CDH4: variants seen among roughly 807,000 people sequenced by gnomAD.
CDH4 encodes the protein cadherin-4.
A neutral mutation model predicts 86.0 loss-of-function variants in CDH4; 33 were observed. That is an observed-to-expected ratio of 0.38 (90% confidence interval 0.29 to 0.51). The LOEUF is 0.51. Ranked by LOEUF, CDH4 falls within the 20% of genes least tolerant of loss-of-function variation. CDH4 has a pLI of 0.86. For missense variants in CDH4, 1,114 were observed against 1,307.4 expected (o/e 0.85, Z 2.28); for synonymous variants, 555 against 549.4 (o/e 1.01, Z -0.14).
intron 4 of CDH4, among the ~76,000 whole-genome samples, chr20:61,801,816 A>C (rs1235248394): frequency 6.6e-6 from 1 of 152,186 alleles, no homozygotes; most frequent in African/African-American, 2.4e-5. Context: ...CCTGCCCTCC[A>C]TAAGGACCCT....
intron 2 of CDH4, among the ~76,000 whole-genome samples, chr20:61,578,641 A>G (rs2086402540): frequency 6.6e-6 from 1 of 152,100 alleles, no homozygotes. Flanking sequence ...GATTCTCACC[A>G]AGGACCTGGC....
intron 2 of CDH4, among the ~76,000 whole-genome samples, chr20:61,590,888 T>TC (rs1231921039): frequency 2.1e-5 from 2 of 97,320 alleles, no homozygotes; most frequent in East Asian, 6.4e-4. Context: ...GGGGGGGGGG[T>TC]CCCCGGGTCT....
intron 2 of CDH4, among the ~76,000 whole-genome samples, chr20:61,671,590 C>CGGGTGGATGGATGGAT (rs1568746486): frequency 1.3e-5 from 2 of 149,742 alleles, no homozygotes; most frequent in Non-Finnish European, 3.0e-5. Context: ...GGATGATGAA[C>CGGGTGGATGGATGGAT]GGGTGGATGG....
intron 2 of CDH4, among the ~76,000 whole-genome samples, chr20:61,652,526 A>T (rs1489841606): frequency 6.6e-6 from 1 of 152,210 alleles, no homozygotes; most frequent in Non-Finnish European, 1.5e-5. Flanking sequence ...TAACATGGGG[A>T]TGAACACCTT....
intron 2 of CDH4, among the ~76,000 whole-genome samples, chr20:61,514,804 G>A (rs1020268690): frequency 6.6e-6 from 1 of 152,236 alleles, no homozygotes; most frequent in African/African-American, 2.4e-5. Flanking sequence ...GATATTCATT[G>A]TCTCAAGAAC....
intron 2 of CDH4, among the ~76,000 whole-genome samples, chr20:61,552,810 A>T (rs1258349821): frequency 6.6e-6 from 1 of 152,182 alleles, no homozygotes; most frequent in African/African-American, 2.4e-5. Flanking sequence ...ATGTGGAGAC[A>T]TTGGAACCCT....
intron 2 of CDH4, among the ~76,000 whole-genome samples, chr20:61,625,468 G>C (rs1432456581): frequency 6.6e-6 from 1 of 152,134 alleles, no homozygotes; most frequent in Non-Finnish European, 1.5e-5. Flanking sequence ...GTTCCAAAGA[G>C]CGCATGTGGG....
In CDH4 at chr20:61,402,248, T is replaced by A. The variant is rs527494061; in HGVS notation, c.169+147311T>A. The stretch of plus-strand genomic sequence containing the variant: ...TGATGCAGTATTTGTGTGTTACCTA[T>A]GCACATCCTCCCATGTACTTTAAAT... On this transcript the variant is annotated intron_variant, in intron 2 of 15. Coordinates refer to ENST00000614565, the MANE Select transcript of CDH4 (RefSeq NM_001794.5). Among the ~76,000 whole-genome samples, 15 of 152,334 alleles carry A rather than the reference T, an allele frequency of 9.8e-5. No individual in the cohort carries two copies. The South Asian group carries it at 3.1e-3, about 32-fold the overall frequency.
intron 6 of CDH4, among the ~76,000 whole-genome samples, chr20:61,857,937 C>CTGTGTGTCTCTGTGTCTG: frequency 6.7e-6 from 1 of 148,216 alleles, no homozygotes; most frequent in East Asian, 2.0e-4. Flanking sequence ...GTGTGTCTGT[C>CTGTGTGTCTCTGTGTCTG]TGTGTGTCTC....
chr20:61,430,195 T>C (rs545663303), intron 2 of CDH4, among the ~76,000 whole-genome samples: 46 of 152,356 alleles, frequency 3.0e-4, no homozygotes, highest in African/African-American at 1.1e-3. Flanking sequence ...CAGTCAGTAA[T>C]GTTTCCCTTA....
intron 2 of CDH4, among the ~76,000 whole-genome samples, chr20:61,555,126 T>G (rs1223988507): frequency 6.6e-6 from 1 of 152,186 alleles, no homozygotes; most frequent in African/African-American, 2.4e-5. Flanking sequence ...TGTGTGTATG[T>G]GAACATAGGC....
chr20:61,279,591 C>G (rs1199370658), intron 2 of CDH4, among the ~76,000 whole-genome samples: 1 of 152,166 alleles, frequency 6.6e-6, no homozygotes, highest in East Asian at 1.9e-4. Context: ...AGGTCACCCT[C>G]AGTGTCCCCA....
intron 4 of CDH4, among the ~76,000 whole-genome samples, chr20:61,809,621 C>T (rs925270072): frequency 1.3e-5 from 2 of 152,152 alleles, no homozygotes; most frequent in African/African-American, 2.4e-5. Flanking sequence ...ATTCTGGATC[C>T]GCCTATGCCG....
In CDH4 at chr20:61,700,794, G is replaced by A. The variant is rs183892141; in HGVS notation, c.170-42769G>A. ...GTCTGTCTTCATGGCCCAGGCCTGG[G>A]GCAGAGCCGGGGTTGCCGGCTCAGC... On this transcript the variant is annotated intron_variant, in intron 2 of 15. Transcript: ENST00000614565. Among the ~76,000 whole-genome samples, 143 of 152,318 alleles carry A rather than the reference G, an allele frequency of 9.4e-4. 1 individual carries two copies. Among genetic ancestry groups the A allele is most frequent in the South Asian group, 6.8e-3 (33 of 4,830 alleles).
intron 2 of CDH4, among the ~76,000 whole-genome samples, chr20:61,704,152 C>T (rs1161354135): frequency 1.3e-5 from 2 of 152,084 alleles, no homozygotes; most frequent in East Asian, 3.9e-4. Flanking sequence ...TCGGCATCTC[C>T]AGCACCTGAA....
intron 15 of CDH4, among the ~76,000 whole-genome samples, chr20:61,934,453 G>A (rs1050196491): frequency 1.3e-5 from 2 of 152,142 alleles, no homozygotes; most frequent in Admixed American, 6.5e-5. Context: ...TAGGCTAGGC[G>A]AAGGATCAAC....
chr20:61,817,745 C>T (rs540871739), intron 4 of CDH4, among the ~76,000 whole-genome samples: 30 of 152,218 alleles, frequency 2.0e-4, no homozygotes, highest in Admixed American at 3.9e-4. Context: ...CAGCAAGGTC[C>T]GTTCCCACCA....
chr20:61,274,297 T>TG (rs2084211349), intron 2 of CDH4, among the ~76,000 whole-genome samples: 1 of 118,370 alleles, frequency 8.4e-6, no homozygotes, highest in Non-Finnish European at 1.6e-5. Context: ...ATATGCAGTT[T>TG]GGGGGAGTAC....
intron 3 of CDH4, among the ~76,000 whole-genome samples, chr20:61,757,422 T>A (rs559532691): frequency 2.0e-5 from 3 of 152,236 alleles, no homozygotes; most frequent in Non-Finnish European, 4.4e-5. Flanking sequence ...ACTTAGCCAG[T>A]GTTTTCAGGC....
Sources: gnomAD v4.1 joint callset for allele counts (sites outside exome capture counted in the v4.1 genomes callset) on GRCh38, gnomAD v4.1.1 for gene constraint, MANE v1.5 for transcripts, NCBI Gene and HGNC (gene_info 2026-07-23, HGNC 2026-07-21) for gene names.